Variants in RSPO3 observed in about 807,000 individuals in gnomAD.
RSPO3 encodes the protein R-spondin-3.
A neutral mutation model predicts 36.5 loss-of-function variants in RSPO3; 17 were observed. The observed-to-expected ratio is 0.47, with a 90% CI of 0.32 to 0.70. The LOEUF (loss-of-function observed/expected upper bound fraction) is 0.70, where lower values mean the gene tolerates loss of function less well. Among genes scored for constraint, RSPO3 ranks in the 30% least tolerant of loss-of-function variants. The probability of loss-of-function intolerance (pLI) is 0.04; values close to 1 mark genes in which losing one functional copy is unlikely to be tolerated. For synonymous variants in RSPO3, 108 were observed against 107.0 expected (o/e 1.01, Z -0.06); for missense variants, 294 against 322.5 (o/e 0.91, Z 0.68).
At chr6:127,170,256 A>G (rs1179166138) in intron 4 of RSPO3, among the ~76,000 whole-genome samples, 1 of 151,778 alleles carries the variant, frequency 6.6e-6, no homozygotes, top group East Asian at 1.9e-4. Context: ...GATTTTAGCA[A>G]CAGAACCCTC....
intron 1 of RSPO3, among the ~76,000 whole-genome samples, chr6:127,123,742 A>G (rs912027407): frequency 3.3e-5 from 5 of 152,104 alleles, no homozygotes; most frequent in African/African-American, 9.7e-5. Context: ...TCCTTTAAAC[A>G]TGAAATATGA....
At chr6:127,171,231 A>G (rs1208490882) in intron 4 of RSPO3, among the ~76,000 whole-genome samples, 1 of 151,664 alleles carries the variant, frequency 6.6e-6, no homozygotes, top group Non-Finnish European at 1.5e-5. Flanking sequence ...ACTTTTTGCC[A>G]CAGAAAAGCA....
intron 1 of RSPO3, among the ~76,000 whole-genome samples, chr6:127,144,664 A>G (rs1162467445): frequency 6.4e-5 from 2 of 31,182 alleles, no homozygotes; most frequent in Admixed American, 3.1e-4. Context: ...TTTCAGACAG[A>G]GTCTCACTCT....
intron 1 of RSPO3, among the ~76,000 whole-genome samples, chr6:127,129,231 A>C (rs1774001693): frequency 6.6e-6 from 1 of 152,068 alleles, no homozygotes; most frequent in Non-Finnish European, 1.5e-5. Flanking sequence ...TTTATTCATG[A>C]ACTTATCATT....
rs1282715756 is a variant in RSPO3, at chr6:127,197,114, G to T, written c.*1107G>T. On this transcript the variant is annotated 3_prime_UTR_variant, in exon 5 of 5. Coordinates refer to ENST00000356698, the MANE Select transcript of RSPO3 (RefSeq NM_032784.5). The stretch of plus-strand genomic sequence containing the variant: ...TTAGAGACTCATGAATTAAGAAAGA[G>T]AATTCTGCTAACTCAGAGAACCTGG... 1 of 226,892 alleles carries T rather than the reference G, an allele frequency of 4.4e-6. No individual in the cohort carries two copies. Among genetic ancestry groups the T allele is most frequent in the East Asian group, 1.0e-4 (1 of 10,008 alleles). The allele number at this position is 226,892 out of a possible 1,614,324, so 14.1% of individuals were successfully genotyped here. A position where few individuals can be genotyped will look rare whatever the true frequency, so the allele number is the denominator to read the frequency against.
intron 4 of RSPO3, among the ~76,000 whole-genome samples, chr6:127,180,869 C>T (rs1775171526): frequency 6.6e-6 from 1 of 151,690 alleles, no homozygotes; most frequent in South Asian, 2.1e-4. Context: ...CTCATACCTA[C>T]CCCAAATAAT....
chr6:127,152,345 A>C (rs1017515624), intron 3 of RSPO3, among the ~76,000 whole-genome samples: 1 of 152,234 alleles, frequency 6.6e-6, no homozygotes, highest in East Asian at 1.9e-4. Flanking sequence ...GATGTCTCCC[A>C]TCATATGGCG....
At chr6:127,157,740 T>C (rs1241836520) in intron 4 of RSPO3, among the ~76,000 whole-genome samples, 1 of 151,780 alleles carries the variant, frequency 6.6e-6, no homozygotes, top group Non-Finnish European at 1.5e-5. Flanking sequence ...CCTACTTTTA[T>C]TTTTTTTCAT....
chr6:127,150,550 T>A lies in RSPO3; in HGVS notation c.414T>A (p.His138Gln). 5 of 1,610,910 alleles carry A rather than the reference T, an allele frequency of 3.1e-6. No individual in the cohort carries two copies. The highest frequency in any genetic ancestry group is 4.2e-6 in the Non-Finnish European group (5 of 1,178,508). ...CAGAAGGGTTGGAAGCCAACAACCA[T>A]ACTATGGAGTGTGTCAGTATTGGTA... The part of the protein sequence containing the change: ...NCPEGLEANN[H>Q]TMECVSIVHC... Residue 138 changes from histidine (H) to glutamine (Q), a missense_variant, in exon 3 of 5, where the codon CAT becomes CAA. His to Gln is a conservative substitution (Grantham distance 24). Coordinates refer to ENST00000356698, the MANE Select transcript of RSPO3 (RefSeq NM_032784.5).
intron 1 of RSPO3, among the ~76,000 whole-genome samples, chr6:127,127,564 T>A (rs895659362): frequency 4.6e-5 from 7 of 152,096 alleles, no homozygotes; most frequent in Non-Finnish European, 1.0e-4. Context: ...CTTTGCTTGA[T>A]GCTTTTGCAA....
intron 1 of RSPO3, among the ~76,000 whole-genome samples, chr6:127,135,334 T>C (rs1774132865): frequency 6.7e-6 from 1 of 149,754 alleles, no homozygotes; most frequent in African/African-American, 2.5e-5. Context: ...GGCAGGAGAA[T>C]TGCTTGAACC....
intron 1 of RSPO3, among the ~76,000 whole-genome samples, chr6:127,143,156 A>G (rs1774313697): frequency 6.6e-6 from 1 of 152,120 alleles, no homozygotes; most frequent in African/African-American, 2.4e-5. Flanking sequence ...CATTCCTTCA[A>G]TAATCAAAAA....
At chr6:127,178,563 G>GTA (rs1427510722) in intron 4 of RSPO3, among the ~76,000 whole-genome samples, 37 of 151,686 alleles carry the variant, frequency 2.4e-4, no homozygotes, top group South Asian at 8.3e-4. Context: ...AACATTTATT[G>GTA]CTTTGTATTA....
rs147615655 is a variant in RSPO3, at chr6:127,144,435, A to G, written c.98-4213A>G. On this transcript the variant is annotated intron_variant, in intron 1 of 4. Coordinates refer to ENST00000356698, the MANE Select transcript of RSPO3 (RefSeq NM_032784.5). ...GTTCAAGTTTGAAGTTTCAAAATAA[A>G]TGATTATGATAGCTTCTACTTACTT... 4.9e-3 allele frequency among the ~76,000 whole-genome samples: 743 copies of G among 152,276 alleles called. 3 individuals are homozygous for G. The highest frequency in any genetic ancestry group is 6.6e-3 in the Non-Finnish European group (452 of 68,014).
At chr6:127,194,228 A>G (rs1048006962) in intron 4 of RSPO3, among the ~76,000 whole-genome samples, 1 of 152,186 alleles carries the variant, frequency 6.6e-6, no homozygotes, top group African/African-American at 2.4e-5. Flanking sequence ...ACTGAATTCA[A>G]TATTTGCAGC....
chr6:127,181,467 C>T (rs752442964), intron 4 of RSPO3, among the ~76,000 whole-genome samples: 4 of 151,724 alleles, frequency 2.6e-5, no homozygotes, highest in Non-Finnish European at 2.9e-5. Flanking sequence ...AGAAATCACC[C>T]GGTATTGTTT....
chr6:127,182,022 A>T (rs1191859782), intron 4 of RSPO3, among the ~76,000 whole-genome samples: 1 of 151,888 alleles, frequency 6.6e-6, no homozygotes, highest in African/African-American at 2.4e-5. Flanking sequence ...GACAGAAGGA[A>T]AAGGGGAACT....
chr6:127,173,243 T>A (rs1472715104), intron 4 of RSPO3, among the ~76,000 whole-genome samples: 1 of 151,840 alleles, frequency 6.6e-6, no homozygotes, highest in African/African-American at 2.4e-5. Flanking sequence ...GCCAGTGATT[T>A]CCCCTTTTGC....
At chr6:127,148,379 T>C (rs1441046696) in intron 1 of RSPO3, among the ~76,000 whole-genome samples, 1 of 151,512 alleles carries the variant, frequency 6.6e-6, no homozygotes, top group East Asian at 1.9e-4. Flanking sequence ...AAAGAGACTA[T>C]GTATACACAC....
Sources: gnomAD v4.1 joint callset for allele counts (sites outside exome capture counted in the v4.1 genomes callset) on GRCh38, gnomAD v4.1.1 for gene constraint, MANE v1.5 for transcripts, NCBI Gene and HGNC (gene_info 2026-07-23, HGNC 2026-07-21) for gene names.